ALCAM: variants seen among roughly 807,000 people sequenced by gnomAD.
ALCAM encodes CD166 antigen.
In ALCAM, 30 loss-of-function variants were observed where a neutral mutation model predicts 70.9. The ratio of observed to expected loss-of-function variants is 0.42; its 90% CI spans 0.32 to 0.57. ALCAM has a LOEUF of 0.57. Among genes scored for constraint, ALCAM ranks in the 20% least tolerant of loss-of-function variants. The pLI is 0.11. For missense variants in ALCAM, 591 were observed against 695.1 expected, an observed-to-expected ratio of 0.85 and a Z score of 1.68; for synonymous variants, 249 against 242.5, an observed-to-expected ratio of 1.03 and a Z score of -0.25.
At chr3:105,476,360 T>C (rs1264541786) in intron 1 of ALCAM, among the ~76,000 whole-genome samples, 1 of 152,092 alleles carries the variant, frequency 6.6e-6, no homozygotes, top group Admixed American at 6.6e-5. Flanking sequence ...GTGTTAATAA[T>C]GCTCAAATAT....
intron 14 of ALCAM, among the ~76,000 whole-genome samples, chr3:105,559,375 A>AAT (rs1157621914): frequency 6.6e-6 from 1 of 151,024 alleles, no homozygotes; most frequent in Non-Finnish European, 1.5e-5. Context: ...TTAAAAAAAA[A>AAT]CAAAACAAAT....
chr3:105,537,842 A>G (rs1309708377), intron 6 of ALCAM, among the ~76,000 whole-genome samples: 1 of 152,138 alleles, frequency 6.6e-6, no homozygotes, highest in South Asian at 2.1e-4. Flanking sequence ...TCCTAATTCC[A>G]GCACTTAAGG....
intron 1 of ALCAM, among the ~76,000 whole-genome samples, chr3:105,431,591 A>C (rs1471018817): frequency 6.6e-6 from 1 of 152,032 alleles, no homozygotes; most frequent in Non-Finnish European, 1.5e-5. Context: ...ATAGACTGTA[A>C]CTCCGTGGTG....
At chr3:105,523,461 G>A (rs1939607881) in intron 2 of ALCAM, among the ~76,000 whole-genome samples, 1 of 152,132 alleles carries the variant, frequency 6.6e-6, no homozygotes, top group South Asian at 2.1e-4. Flanking sequence ...AATTTGTCAT[G>A]GACTATAACA....
At chr3:105,488,049 G>C (rs1024657869) in intron 1 of ALCAM, among the ~76,000 whole-genome samples, 9 of 152,034 alleles carry the variant, frequency 5.9e-5, no homozygotes, top group East Asian at 3.8e-4. Context: ...GGGATTGGGG[G>C]CTGTGAGTGA....
intron 1 of ALCAM, among the ~76,000 whole-genome samples, chr3:105,453,589 G>GT (rs36131176): frequency 2.0e-5 from 3 of 152,132 alleles, no homozygotes; most frequent in Non-Finnish European, 4.4e-5. Context: ...ATTTAAAATA[G>GT]TTTTTTCTAA....
At chr3:105,450,744 G>T (rs553617412) in intron 1 of ALCAM, among the ~76,000 whole-genome samples, 2 of 152,204 alleles carry the variant, frequency 1.3e-5, no homozygotes, top group South Asian at 4.2e-4. Flanking sequence ...TAGAGAAAAC[G>T]AAGAAAACAT....
chr3:105,534,775 C>T lies in ALCAM; in HGVS notation c.660C>T (p.Cys220=). The stretch of plus-strand genomic sequence containing the variant: ...CTGACATACAAATGCCATTCACCTG[C>T]TCGGTGACATATTATGGACCATCTG... The part of the protein sequence containing the change: ...TKADIQMPFT[C]SVTYYGPSGQ... The change falls in exon 6 of 16, where the codon TGC becomes TGT. Residue 220 remains cysteine, a synonymous_variant. Coordinates refer to ENST00000306107, the MANE Select transcript of ALCAM (RefSeq NM_001627.4). 1 of 1,613,684 alleles carries T rather than the reference C, an allele frequency of 6.2e-7. No individual in the cohort carries two copies. The highest frequency in any genetic ancestry group is 8.5e-7 in the Non-Finnish European group (1 of 1,179,754).
intron 1 of ALCAM, among the ~76,000 whole-genome samples, chr3:105,404,385 T>C (rs1362727777): frequency 1.3e-5 from 2 of 152,140 alleles, no homozygotes; most frequent in Admixed American, 1.3e-4. Context: ...ACAGCACATT[T>C]CTCAGCAGAA....
intron 1 of ALCAM, among the ~76,000 whole-genome samples, chr3:105,511,278 A>T (rs6794707): frequency 0.48 from 72,228 of 151,830 alleles, 17,760 homozygotes; most frequent in East Asian, 0.8. Context: ...GTGACACACC[A>T]TCTCTTAAGG....
Position 105,574,782 on chromosome 3 carries a change from A to G in ALCAM, c.*331A>G, listed in dbSNP as rs1032341951. On this transcript the variant is annotated 3_prime_UTR_variant, in exon 16 of 16. Transcript: ENST00000306107. ...GTAAATTTTTTACGTAGCTATTTTT[A>G]TACACTGTAAGCTTTGTTCTGGGAG... 3 of 152,484 alleles carry G rather than the reference A, an allele frequency of 2.0e-5. No homozygotes were observed. The highest frequency in any genetic ancestry group is 7.2e-5 in the African/African-American group (3 of 41,394). 9.4% of individuals were successfully genotyped at this position (152,484 alleles called of 1,614,324 possible). A position where few individuals can be genotyped will look rare whatever the true frequency, so the allele number is the denominator to read the frequency against.
chr3:105,404,803 G>A (rs1447722533), intron 1 of ALCAM, among the ~76,000 whole-genome samples: 2 of 152,224 alleles, frequency 1.3e-5, no homozygotes, highest in Non-Finnish European at 2.9e-5. Context: ...TGACAGAATG[G>A]ATAAGAAGTC....
intron 1 of ALCAM, among the ~76,000 whole-genome samples, chr3:105,503,601 A>G (rs950422592): frequency 6.6e-6 from 1 of 152,132 alleles, no homozygotes; most frequent in African/African-American, 2.4e-5. Context: ...ATAATTTTCA[A>G]TAGCAAAAAT....
At chr3:105,411,522 T>A (rs1474895740) in intron 1 of ALCAM, among the ~76,000 whole-genome samples, 1 of 152,108 alleles carries the variant, frequency 6.6e-6, no homozygotes, top group Non-Finnish European at 1.5e-5. Flanking sequence ...TATTAACTGT[T>A]ACTATGTGGC....
intron 1 of ALCAM, among the ~76,000 whole-genome samples, chr3:105,505,953 T>TTTCTGAAGTATAA (rs1939063409): frequency 6.6e-6 from 1 of 152,328 alleles, no homozygotes; most frequent in African/African-American, 2.4e-5. Flanking sequence ...TAACTTTATC[T>TTTCTGAAGTATAA]TTCTGAAGTA....
intron 1 of ALCAM, among the ~76,000 whole-genome samples, chr3:105,479,121 ACTTTT>A (rs1281433880): frequency 6.6e-6 from 1 of 152,146 alleles, no homozygotes; most frequent in Non-Finnish European, 1.5e-5. Context: ...ATCACAGGAA[ACTTTT>A]CTTTAAATAA....
At chr3:105,398,062 T>G in intron 1 of ALCAM, among the ~76,000 whole-genome samples, 1 of 152,090 alleles carries the variant, frequency 6.6e-6, no homozygotes, top group Non-Finnish European at 1.5e-5. Context: ...CTGGAGAGTT[T>G]GTTAAAACAT....
intron 9 of ALCAM, among the ~76,000 whole-genome samples, chr3:105,546,348 G>A (rs1406758346): frequency 1.3e-5 from 2 of 151,398 alleles, no homozygotes; most frequent in Admixed American, 6.6e-5. Context: ...TTGCTTTACT[G>A]CCTGCCTTTT....
intron 1 of ALCAM, among the ~76,000 whole-genome samples, chr3:105,395,962 G>C (rs146283453): frequency 1.3e-5 from 2 of 152,098 alleles, no homozygotes; most frequent in East Asian, 3.9e-4. Flanking sequence ...CAAGGTTTCT[G>C]ATTGGCTTAG....
Sources: allele counts gnomAD v4.1 joint callset (sites outside exome capture counted in the v4.1 genomes callset), GRCh38; gene constraint gnomAD v4.1.1; transcripts MANE v1.5; gene names NCBI Gene and HGNC (gene_info 2026-07-23, HGNC 2026-07-21).